GRK5: variants seen among roughly 807,000 people sequenced by gnomAD.
GRK5 encodes the protein g protein-coupled receptor kinase GRK5.
In GRK5, 40 loss-of-function variants were observed where a neutral mutation model predicts 78.4. The ratio of observed to expected loss-of-function variants is 0.51; its 90% confidence interval spans 0.40 to 0.66. GRK5 has a LOEUF of 0.66. Among genes scored for constraint, GRK5 ranks in the 30% least tolerant of loss-of-function variants. The pLI is 0.00. For synonymous variants in GRK5, 289 were observed against 296.8 expected (o/e 0.97, Z 0.27); for missense variants, 598 against 759.9 (o/e 0.79, Z 2.50).
At chr10:119,249,551 G>A (rs1468405073) in intron 1 of GRK5, among the ~76,000 whole-genome samples, 1 of 152,100 alleles carries the variant, frequency 6.6e-6, no homozygotes, top group Non-Finnish European at 1.5e-5. Context: ...AGGCTGGAGT[G>A]CAATGGCGCG....
intron 2 of GRK5, among the ~76,000 whole-genome samples, chr10:119,370,112 T>G (rs1851523496): frequency 6.6e-6 from 1 of 152,186 alleles, no homozygotes; most frequent in Non-Finnish European, 1.5e-5. Flanking sequence ...TGACTGCATC[T>G]GATGGGTTCA....
intron 1 of GRK5, among the ~76,000 whole-genome samples, chr10:119,241,818 G>GA (rs1391952201): frequency 4.6e-5 from 7 of 152,114 alleles, no homozygotes; most frequent in Admixed American, 4.6e-4. Flanking sequence ...ATTAACAAGA[G>GA]AAAAAATGGA....
chr10:119,305,568 G>A (rs1343119900), intron 1 of GRK5, among the ~76,000 whole-genome samples: 1 of 152,320 alleles, frequency 6.6e-6, no homozygotes, highest in East Asian at 1.9e-4. Flanking sequence ...GGAGAGAGCT[G>A]TGTGGGTATG....
intron 3 of GRK5, 86 bp from the exon 4 acceptor site, chr10:119,396,609 A>C: frequency 8.5e-7 from 1 of 1,172,882 alleles, no homozygotes; most frequent in South Asian, 1.3e-5. Context: ...CCTCTAGGGG[A>C]TTTCCTCCAG....
intron 1 of GRK5, among the ~76,000 whole-genome samples, chr10:119,214,717 G>T (rs1051760618): frequency 6.6e-6 from 1 of 151,964 alleles, no homozygotes; most frequent in Non-Finnish European, 1.5e-5. Flanking sequence ...ATGGGGTTTC[G>T]CCCTGTTGCC....
At chr10:119,296,050 A>G (rs1850074241) in intron 1 of GRK5, among the ~76,000 whole-genome samples, 1 of 152,268 alleles carries the variant, frequency 6.6e-6, no homozygotes, top group Admixed American at 6.5e-5. Flanking sequence ...TTATCATCCC[A>G]CATTAGAAGA....
chr10:119,454,942 C>T (rs760572764), intron 15 of GRK5, 27 bp from the exon 16 acceptor site: 2 of 1,488,532 alleles, frequency 1.3e-6, no homozygotes, highest in East Asian at 2.3e-5. Flanking sequence ...GTTCTCTCCA[C>T]CCCGTCTCCC....
intron 1 of GRK5, among the ~76,000 whole-genome samples, chr10:119,254,104 C>T (rs2041487242): frequency 6.6e-6 from 1 of 152,190 alleles, no homozygotes; most frequent in Admixed American, 6.5e-5. Flanking sequence ...GCCTGCTGGG[C>T]CGGTGACTGT....
rs527294203 is a variant in GRK5, at chr10:119,288,741, G to A, written c.53-37775G>A. The stretch of plus-strand genomic sequence containing the variant: ...TGGTTGATTCCCAGGGCAGCAGGCC[G>A]GCTGCTCTTCCTCCTCCCTGCTGTT... On this transcript the variant is annotated intron_variant, in intron 1 of 15. Transcript: ENST00000392870. Among the ~76,000 whole-genome samples, 110 of 152,326 alleles carry A rather than the reference G, an allele frequency of 7.2e-4. 3 individuals are homozygous for A. Among genetic ancestry groups the A allele is most frequent in the Middle Eastern group, 6.8e-3 (2 of 294 alleles).
chr10:119,325,335 G>A (rs1291066333), intron 1 of GRK5, among the ~76,000 whole-genome samples: 1 of 152,198 alleles, frequency 6.6e-6, no homozygotes, highest in Non-Finnish European at 1.5e-5. Flanking sequence ...CAGGGCCAGA[G>A]CAAGGTGGAG....
chr10:119,242,921 G>A (rs1388051329), intron 1 of GRK5, among the ~76,000 whole-genome samples: 6 of 151,696 alleles, frequency 4.0e-5, no homozygotes, highest in African/African-American at 7.3e-5. Flanking sequence ...ACCCAGTCTC[G>A]GGCAGTTCTT....
At chr10:119,325,026 G>A (rs1431332677) in intron 1 of GRK5, among the ~76,000 whole-genome samples, 2 of 152,144 alleles carry the variant, frequency 1.3e-5, no homozygotes, top group Non-Finnish European at 2.9e-5. Flanking sequence ...TGCAATGAGA[G>A]GAGAGGAGAG....
chr10:119,286,582 C>T (rs1391538304), intron 1 of GRK5, among the ~76,000 whole-genome samples: 1 of 152,238 alleles, frequency 6.6e-6, no homozygotes, highest in East Asian at 1.9e-4. Flanking sequence ...CCTCTGTTGA[C>T]TCTGCTTTTC....
intron 1 of GRK5, among the ~76,000 whole-genome samples, chr10:119,233,829 C>T (rs1359900118): frequency 6.6e-6 from 1 of 152,162 alleles, no homozygotes; most frequent in Non-Finnish European, 1.5e-5. Context: ...TGATATTTGC[C>T]ACAAAGAATA....
At chr10:119,405,561 C>T (rs1852223545) in intron 4 of GRK5, among the ~76,000 whole-genome samples, 1 of 151,894 alleles carries the variant, frequency 6.6e-6, no homozygotes, top group African/African-American at 2.4e-5. Flanking sequence ...CTCTGGCTCC[C>T]CACCCCCACC....
At chr10:119,261,222 G>GAT in intron 1 of GRK5, among the ~76,000 whole-genome samples, 2 of 150,282 alleles carry the variant, frequency 1.3e-5, no homozygotes. Flanking sequence ...CTTATCAGAC[G>GAT]GGGCGGCCGG....
intron 8 of GRK5, among the ~76,000 whole-genome samples, chr10:119,432,612 T>A (rs935013470): frequency 1.3e-5 from 2 of 152,256 alleles, no homozygotes; most frequent in African/African-American, 4.8e-5. Flanking sequence ...AATGGGATCT[T>A]CCTGTACCTC....
intron 1 of GRK5, among the ~76,000 whole-genome samples, chr10:119,320,256 A>G (rs188042766): frequency 9.3e-4 from 142 of 152,356 alleles, no homozygotes; most frequent in African/African-American, 3.2e-3. Flanking sequence ...TGGACCAAGA[A>G]GAAGGTGACA....
At chr10:119,422,217 C>T (rs1394515955) in intron 4 of GRK5, among the ~76,000 whole-genome samples, 2 of 152,122 alleles carry the variant, frequency 1.3e-5, no homozygotes, top group African/African-American at 4.8e-5. Flanking sequence ...GTGGGTAAGG[C>T]CTGCCCTGGG....
Sources: allele counts gnomAD v4.1 joint callset (sites outside exome capture counted in the v4.1 genomes callset), GRCh38; gene constraint gnomAD v4.1.1; transcripts MANE v1.5; gene names NCBI Gene and HGNC (gene_info 2026-07-23, HGNC 2026-07-21).